EPM2A: variants seen among roughly 807,000 people sequenced by gnomAD.
EPM2A encodes the protein laforin.
In EPM2A, 21 loss-of-function variants were observed where a neutral mutation model predicts 26.5. That is an observed-to-expected ratio of 0.79 (90% CI 0.56 to 1.14). The LOEUF (loss-of-function observed/expected upper bound fraction) is 1.14. Among genes scored for constraint, EPM2A ranks in the 50% most tolerant of loss-of-function variants. The pLI, the probability that EPM2A is intolerant of heterozygous loss-of-function variation, is 0.00. For missense variants in EPM2A, 458 were observed against 440.8 expected (o/e 1.04, Z -0.35); for synonymous variants, 217 against 177.6 (o/e 1.22, Z -1.76).
chr6:145,595,490 A>ATTTT (rs35026548), intron 2 of EPM2A, among the ~76,000 whole-genome samples: 17 of 47,396 alleles, frequency 3.6e-4, no homozygotes, highest in African/African-American at 2.2e-3. Flanking sequence ...ATTTATATTG[A>ATTTT]TTTTAAATTT....
chr6:145,398,567 T>C (rs901022357), intron 4 of EPM2A, among the ~76,000 whole-genome samples: 2 of 152,090 alleles, frequency 1.3e-5, no homozygotes, highest in African/African-American at 4.8e-5. Context: ...ACAATAAACA[T>C]TTGCCATTAA....
intron 4 of EPM2A, among the ~76,000 whole-genome samples, chr6:145,458,936 C>G (rs752778094): frequency 6.6e-6 from 1 of 152,078 alleles, no homozygotes; most frequent in Admixed American, 6.6e-5. Flanking sequence ...TTCAATTTCT[C>G]CAGACAGACA....
intron 1 of EPM2A, among the ~76,000 whole-genome samples, chr6:145,698,233 G>A (rs952931465): frequency 2.0e-5 from 3 of 152,110 alleles, no homozygotes; most frequent in Admixed American, 6.6e-5. Context: ...ATAGACAAAG[G>A]TCCTTGAGAC....
chr6:145,541,202 T>TGC (rs1780505156), intron 2 of EPM2A, among the ~76,000 whole-genome samples: 1 of 151,122 alleles, frequency 6.6e-6, no homozygotes. Flanking sequence ...TGTGTGTGTG[T>TGC]GTGTGTGTAC....
Position 145,625,470 on chromosome 6 carries a change from A to C in EPM2A, c.*1946T>G. ...GAACAAAGGTAAAAATCCACCTGAA[A>C]AAAGATCTTTGTATCATGGAAATTA... On this transcript the variant is annotated 3_prime_UTR_variant, in exon 4 of 4. Transcript: ENST00000367519. 1.9e-6 allele frequency: 1 copy of C among 521,908 alleles called. No individual in the cohort carries two copies. The highest frequency in any genetic ancestry group is 2.7e-5 in the South Asian group (1 of 37,298). 32.3% of individuals were successfully genotyped at this position (521,908 alleles called of 1,614,324 possible).
intron 4 of EPM2A, among the ~76,000 whole-genome samples, chr6:145,398,664 C>T (rs1372591428): frequency 2.0e-5 from 3 of 151,918 alleles, no homozygotes; most frequent in Non-Finnish European, 4.4e-5. Flanking sequence ...GTTCAAGACC[C>T]GCCTCACCAA....
At chr6:145,611,370 A>C (rs1330544565) in intron 2 of EPM2A, among the ~76,000 whole-genome samples, 1 of 151,976 alleles carries the variant, frequency 6.6e-6, no homozygotes, top group Non-Finnish European at 1.5e-5. Flanking sequence ...CAGTAATTAT[A>C]TACAAGACTC....
At chr6:145,399,922 G>A (rs1211550023) in intron 4 of EPM2A, among the ~76,000 whole-genome samples, 1 of 152,024 alleles carries the variant, frequency 6.6e-6, no homozygotes. Context: ...TTGCTATTTT[G>A]TTCCTTTTTT....
intron 2 of EPM2A, chr6:145,639,618 G>GA (rs1257874247): frequency 6.6e-6 from 1 of 151,994 alleles, no homozygotes; most frequent in African/African-American, 2.4e-5. Context: ...ATGGAGATGA[G>GA]AAAAAATGGG....
intron 2 of EPM2A, among the ~76,000 whole-genome samples, chr6:145,540,544 C>G (rs982172252): frequency 2.6e-5 from 4 of 152,098 alleles, no homozygotes; most frequent in Non-Finnish European, 5.9e-5. Flanking sequence ...TGTTAGAATC[C>G]TAGAGCAGGA....
At chr6:145,508,172 C>T (rs761821566) in intron 2 of EPM2A, among the ~76,000 whole-genome samples, 8 of 152,184 alleles carry the variant, frequency 5.3e-5, no homozygotes, top group South Asian at 2.1e-4. Flanking sequence ...GCACTGCTGT[C>T]GACATGACAA....
chr6:145,462,667 C>T (rs1461517609), intron 4 of EPM2A, among the ~76,000 whole-genome samples: 1 of 152,112 alleles, frequency 6.6e-6, no homozygotes, highest in Non-Finnish European at 1.5e-5. Context: ...CAGCCAGAAC[C>T]CAGTAAGTCT....
At chr6:145,428,695 G>A (rs1405731834) in intron 4 of EPM2A, among the ~76,000 whole-genome samples, 1 of 152,172 alleles carries the variant, frequency 6.6e-6, no homozygotes, top group Admixed American at 6.5e-5. Context: ...TCTTTGCTGT[G>A]GCAGATGGTT....
chr6:145,391,478 GAGACATGTAATGTACATGCTAGCTT>G (rs1188388160), intron 4 of EPM2A, among the ~76,000 whole-genome samples: 1 of 152,150 alleles, frequency 6.6e-6, no homozygotes. Flanking sequence ...AAGTGAACAT[GAGACATGTAATGTACATGCTAGCTT>G]AGACACATGT....
At chr6:145,603,985 T>C (rs1781450161) in intron 2 of EPM2A, among the ~76,000 whole-genome samples, 1 of 152,190 alleles carries the variant, frequency 6.6e-6, no homozygotes, top group South Asian at 2.1e-4. Context: ...CTCAAAATGC[T>C]AACAATATCT....
At chr6:145,476,188 G>A (rs1335324678) in intron 4 of EPM2A, among the ~76,000 whole-genome samples, 1 of 152,038 alleles carries the variant, frequency 6.6e-6, no homozygotes, top group Non-Finnish European at 1.5e-5. Flanking sequence ...AGACAAAGCA[G>A]TTGACTACAT....
At chr6:145,618,731 T>C (rs923167796) in intron 2 of EPM2A, among the ~76,000 whole-genome samples, 3 of 152,328 alleles carry the variant, frequency 2.0e-5, no homozygotes, top group African/African-American at 7.2e-5. Context: ...CTTTATAAAT[T>C]ACCCAGTCTC....
At position 145,401,022 on chromosome 6, in the gene EPM2A, G is replaced by C. The variant is rs970173066; in HGVS notation, c.556-16925C>G. Reference sequence around the variant, plus strand: ...AAGAAATGTTTAATAAAGTACCTTTGACTTTACTAAAGGGTTTAATAATTG... The same window carrying C: ...AAGAAATGTTTAATAAAGTACCTTTCACTTTACTAAAGGGTTTAATAATTG... On this transcript the variant is annotated intron_variant, in intron 4 of 4. Coordinates refer to the EPM2A transcript ENST00000638717. Among the ~76,000 whole-genome samples, 7 of 152,128 alleles carry C rather than the reference G, an allele frequency of 4.6e-5. No homozygotes were observed. In the South Asian group the frequency reaches 1.5e-3, roughly 32 times the overall value.
chr6:145,599,484 A>T (rs1195035179), intron 2 of EPM2A, among the ~76,000 whole-genome samples: 1 of 151,766 alleles, frequency 6.6e-6, no homozygotes, highest in Admixed American at 6.6e-5. Flanking sequence ...TTGAATTTTT[A>T]ATTTCATCTG....
Sources: gnomAD v4.1 joint callset for allele counts (sites outside exome capture counted in the v4.1 genomes callset) on GRCh38, gnomAD v4.1.1 for gene constraint, MANE v1.5 for transcripts, NCBI Gene and HGNC (gene_info 2026-07-23, HGNC 2026-07-21) for gene names.